Variants in WNT3 observed in about 807,000 individuals in gnomAD.
The protein encoded by WNT3 is proto-oncogene Wnt-3.
A neutral mutation model predicts 34.2 loss-of-function variants in WNT3; 7 were observed. That is an observed-to-expected ratio of 0.20 (90% CI 0.12 to 0.38). WNT3 has a LOEUF of 0.38. Ranked by LOEUF, WNT3 falls within the 10% of genes least tolerant of loss-of-function variation. The pLI, the probability that WNT3 is intolerant of heterozygous loss-of-function variation, is 1.00. For synonymous variants in WNT3, 212 were observed against 211.5 expected, an observed-to-expected ratio of 1.00 and a Z score of -0.02; for missense variants, 267 against 499.8, an observed-to-expected ratio of 0.53 and a Z score of 4.44.
intron 4 of WNT3, among the ~76,000 whole-genome samples, chr17:46,766,692 A>G (rs2059316390): frequency 6.6e-6 from 1 of 152,150 alleles, no homozygotes; most frequent in South Asian, 2.1e-4. Context: ...CCATGACGTC[A>G]AGTACCTCCC....
At chr17:46,809,154 G>A (rs1340721706) in intron 1 of WNT3, among the ~76,000 whole-genome samples, 2 of 152,188 alleles carry the variant, frequency 1.3e-5, no homozygotes, top group African/African-American at 2.4e-5. Flanking sequence ...CTGCGCAGGT[G>A]GACAGAAGTG....
intron 1 of WNT3, among the ~76,000 whole-genome samples, chr17:46,781,133 C>CA (rs2059456860): frequency 6.6e-6 from 1 of 151,568 alleles, no homozygotes; most frequent in South Asian, 2.1e-4. Flanking sequence ...GAGGCTGAGA[C>CA]AGGAGTATTG....
intron 1 of WNT3, among the ~76,000 whole-genome samples, chr17:46,778,594 C>T (rs867853134): frequency 1.3e-5 from 2 of 152,100 alleles, no homozygotes; most frequent in Non-Finnish European, 2.9e-5. Context: ...TACTTTAACT[C>T]GCCACTCCTA....
At chr17:46,798,083 C>T (rs2084077367) in intron 1 of WNT3, among the ~76,000 whole-genome samples, 2 of 152,138 alleles carry the variant, frequency 1.3e-5, no homozygotes, top group South Asian at 2.1e-4. Context: ...CGTGTGCTAA[C>T]ACACCCAGCT....
intron 1 of WNT3, among the ~76,000 whole-genome samples, chr17:46,782,778 C>T (rs1362505171): frequency 1.3e-5 from 2 of 152,224 alleles, no homozygotes; most frequent in African/African-American, 4.8e-5. Context: ...GGCTGCTTGG[C>T]AGGGAGCTTG....
chr17:46,791,592 G>A (rs1487841085), intron 1 of WNT3, among the ~76,000 whole-genome samples: 3 of 152,154 alleles, frequency 2.0e-5, no homozygotes, highest in Non-Finnish European at 4.4e-5. Flanking sequence ...CCCTCACTGT[G>A]TACAACACCC....
intron 4 of WNT3, among the ~76,000 whole-genome samples, chr17:46,765,772 G>GC (rs1162891819): frequency 1.3e-5 from 2 of 152,258 alleles, no homozygotes; most frequent in African/African-American, 4.8e-5. Context: ...CCTGTGAGCA[G>GC]CTGGGTCCTG....
chr17:46,817,992 G>T (rs1223490295), intron 1 of WNT3, among the ~76,000 whole-genome samples: 1 of 152,056 alleles, frequency 6.6e-6, no homozygotes, highest in Non-Finnish European at 1.5e-5. Context: ...CCACTCCCCT[G>T]CCCCGGGAGG....
At chr17:46,782,659 G>A (rs1264683506) in intron 1 of WNT3, among the ~76,000 whole-genome samples, 3 of 152,216 alleles carry the variant, frequency 2.0e-5, no homozygotes, top group Non-Finnish European at 4.4e-5. Context: ...TGTGCACACC[G>A]TGGGGCTGGG....
At chr17:46,789,119 G>A (rs2083945828) in intron 1 of WNT3, among the ~76,000 whole-genome samples, 1 of 152,192 alleles carries the variant, frequency 6.6e-6, no homozygotes, top group African/African-American at 2.4e-5. Context: ...CACAGTGCGT[G>A]GGGCACTCCT....
At chr17:46,770,775 G>A (rs1347396568) in intron 2 of WNT3, among the ~76,000 whole-genome samples, 1 of 152,208 alleles carries the variant, frequency 6.6e-6, no homozygotes, top group African/African-American at 2.4e-5. Flanking sequence ...AGGGAAAGGA[G>A]AGACTCTCAA....
Position 46,769,822 on chromosome 17 carries a change from G to C in WNT3, c.549C>G (p.Arg183=). The part of the protein sequence containing the change: ...ADARENRPDA[R]SAMNKHNNEA... ...CGTTGTTGTGCTTGTTCATGGCCGA[G>C]CGCGCGTCCGGCCTGTTCTCGCGCG... Residue 183 remains arginine (R), a synonymous_variant, in exon 3 of 5, where the codon CGC becomes CGG. Transcript: ENST00000225512. 1.9e-6 allele frequency: 3 copies of C among 1,612,970 alleles called. No individual in the cohort carries two copies. The highest frequency in any genetic ancestry group is 1.7e-6 in the Non-Finnish European group (2 of 1,179,858).
At chr17:46,818,181 A>C (rs1254352534) in intron 1 of WNT3, among the ~76,000 whole-genome samples, 1 of 152,156 alleles carries the variant, frequency 6.6e-6, no homozygotes, top group African/African-American at 2.4e-5. Context: ...CTGGATTTCC[A>C]GAAACCCAAC....
intron 1 of WNT3, among the ~76,000 whole-genome samples, chr17:46,812,583 A>G (rs2084291381): frequency 6.6e-6 from 1 of 152,090 alleles, no homozygotes; most frequent in African/African-American, 2.4e-5. Context: ...GGGAATGATT[A>G]GGGGACACTC....
At chr17:46,778,981 A>G (rs1350595070) in intron 1 of WNT3, among the ~76,000 whole-genome samples, 1 of 150,996 alleles carries the variant, frequency 6.6e-6, no homozygotes, top group African/African-American at 2.4e-5. Flanking sequence ...CCATCTGGCT[A>G]TGCCAGTCTC....
At chr17:46,773,619 T>TGGGGGGGGGGGGGGGGGGGGGGG in intron 2 of WNT3, 49 bp downstream of exon 2, 1 of 549,848 alleles carries the variant, frequency 1.8e-6, no homozygotes, top group Non-Finnish European at 3.2e-6. Context: ...ACAGTCCTGA[T>TGGGGGGGGGGGGGGGGGGGGGGG]CCCTCCCCCC....
intron 1 of WNT3, among the ~76,000 whole-genome samples, chr17:46,813,703 T>A (rs1034899894): frequency 6.6e-6 from 1 of 152,186 alleles, no homozygotes; most frequent in Non-Finnish European, 1.5e-5. Flanking sequence ...CTGTGATAAG[T>A]CACCTTTCCT....
chr17:46,788,493 G>T (rs2083935868), intron 1 of WNT3, among the ~76,000 whole-genome samples: 1 of 152,102 alleles, frequency 6.6e-6, no homozygotes, highest in African/African-American at 2.4e-5. Context: ...CCTCTTGTTC[G>T]CTTCTGACTC....
chr17:46,768,063 C>T lies in WNT3; in HGVS notation c.*8+249G>A, dbSNP rs995856692. ...TCGGCCTCCCAAAGTGCTGGGATTA[C>T]AGGCGTGAGCCACCGCACCCGGCCA... On this transcript the variant is annotated intron_variant, in intron 4 of 4. Coordinates refer to ENST00000225512, the MANE Select transcript of WNT3 (RefSeq NM_030753.5). This position sits in a 1 kb window ranked among gnomAD's most constrained non-coding sequence, Gnocchi z 5.0. Among the ~76,000 whole-genome samples, 1 of 152,232 alleles carries T rather than the reference C, an allele frequency of 6.6e-6. No homozygotes were observed. The highest frequency in any genetic ancestry group is 2.1e-4 in the South Asian group (1 of 4,832).
Sources: gnomAD v4.1 joint callset for allele counts (sites outside exome capture counted in the v4.1 genomes callset) on GRCh38, gnomAD v4.1.1 for gene constraint, Gnocchi (gnomAD v3.1) non-coding constraint, MANE v1.5 for transcripts, NCBI Gene and HGNC (gene_info 2026-07-23, HGNC 2026-07-21) for gene names.